The following PRKN variants were observed in gnomAD, a reference collection of about 807,000 sequenced individuals.
PRKN encodes the protein parkin RBR E3 ubiquitin protein ligase.
Under a neutral mutation model 59.5 loss-of-function variants are expected in PRKN, and 56 were observed. The observed-to-expected ratio is 0.94, with a 90% CI of 0.76 to 1.18. The LOEUF (loss-of-function observed/expected upper bound fraction) is 1.18. Ranked by LOEUF, PRKN falls within the 50% of genes most tolerant of loss-of-function variation. The probability of loss-of-function intolerance (pLI) is 0.00; values close to 1 mark genes in which losing one functional copy is unlikely to be tolerated. For missense variants in PRKN, 657 were observed against 596.4 expected, an observed-to-expected ratio of 1.10 and a Z score of -1.06; for synonymous variants, 250 against 222.1, an observed-to-expected ratio of 1.13 and a Z score of -1.12.
chr6:161,417,343 G>T lies in PRKN; in HGVS notation c.1084-30466C>A, dbSNP rs377092511. Among the ~76,000 whole-genome samples the T allele has an allele frequency of 6.6e-6, 1 of 151,836 alleles. No individual in the cohort carries two copies. Among genetic ancestry groups the T allele is most frequent in the Admixed American group, 6.6e-5 (1 of 15,236 alleles). On this transcript the variant is annotated intron_variant, in intron 9 of 11. Coordinates refer to ENST00000366898, the MANE Select transcript of PRKN (RefSeq NM_004562.3). The surrounding 1 kb of genome is among the most constrained non-coding windows in gnomAD (Gnocchi z 5.4). ...CGCCTGCCTGTAGTCGCAGCTACTC[G>T]GGAGGCTAAGGCAGCAGAATCACTT...
chr6:162,285,891 C>T (rs1484689461), intron 2 of PRKN, among the ~76,000 whole-genome samples: 1 of 152,100 alleles, frequency 6.6e-6, no homozygotes. Context: ...AAATACACGA[C>T]AAAATGGTTG....
In PRKN at chr6:161,554,712, T is replaced by TTGTG. The variant is rs35458503; in HGVS notation, c.934-5713_934-5710dup. Among the ~76,000 whole-genome samples the TTGTG allele has an allele frequency of 9.9e-4, 137 of 138,912 alleles. No individual in the cohort carries two copies. The highest frequency in any genetic ancestry group is 1.7e-3 in the African/African-American group (65 of 37,446). 91.1% of individuals were successfully genotyped at this position (138,912 alleles called of 152,430 possible). A position where few individuals can be genotyped will look rare whatever the true frequency, so the allele number is the denominator to read the frequency against. On this transcript the variant is annotated intron_variant, in intron 8 of 11. Coordinates refer to ENST00000366898, the MANE Select transcript of PRKN (RefSeq NM_004562.3). This position sits in a 1 kb window ranked among gnomAD's most constrained non-coding sequence, Gnocchi z 4.5. ...TACAATCCTGATATACATACAGGGA[T>TTGTG]TGTGTGTGTGTGTGTGTGTGTGTAT...
chr6:161,445,314 G>A lies in PRKN; in HGVS notation c.1084-58437C>T, dbSNP rs911376314. Among the ~76,000 whole-genome samples, 1 of 152,150 alleles carries A rather than the reference G, an allele frequency of 6.6e-6. No individual in the cohort carries two copies. The highest frequency in any genetic ancestry group is 6.5e-5 in the Admixed American group (1 of 15,278). ...TGCTGGTGCTCGGCACTGACCCAGGGGAGGAGGGCCACTTGGGCTGGAATG... is the reference window on the plus strand; with the variant it reads ...TGCTGGTGCTCGGCACTGACCCAGGAGAGGAGGGCCACTTGGGCTGGAATG... On this transcript the variant is annotated intron_variant, in intron 9 of 11. Transcript: ENST00000366898. This position sits in a 1 kb window ranked among gnomAD's most constrained non-coding sequence, Gnocchi z 7.7.
intron 1 of PRKN, among the ~76,000 whole-genome samples, chr6:162,591,946 AG>A (rs1186192064): frequency 6.6e-6 from 1 of 150,864 alleles, no homozygotes; most frequent in Non-Finnish European, 1.5e-5. Context: ...AATAGCAGTT[AG>A]TATACAGCTT....
chr6:161,687,603 C>T (rs1161632199), intron 7 of PRKN, among the ~76,000 whole-genome samples: 2 of 149,270 alleles, frequency 1.3e-5, no homozygotes, highest in African/African-American at 2.5e-5. Flanking sequence ...ACTGCAGGCG[C>T]GAACCACCAC....
intron 8 of PRKN, among the ~76,000 whole-genome samples, chr6:161,565,924 G>A (rs553204689): frequency 5.3e-5 from 8 of 152,170 alleles, no homozygotes; most frequent in Admixed American, 2.6e-4. Flanking sequence ...GTTACCAGGC[G>A]GAACTGGCCA....
At chr6:162,146,200 A>G (rs1782019001) in intron 4 of PRKN, among the ~76,000 whole-genome samples, 1 of 152,124 alleles carries the variant, frequency 6.6e-6, no homozygotes, top group Admixed American at 6.5e-5. Context: ...TCCAGCAAAC[A>G]TATGCTAAAG....
At chr6:161,838,956 A>G (rs1453470144) in intron 6 of PRKN, among the ~76,000 whole-genome samples, 1 of 152,142 alleles carries the variant, frequency 6.6e-6, no homozygotes, top group Admixed American at 6.5e-5. Context: ...CACAAGCCCC[A>G]CCCAGGAGCC....
At chr6:162,369,415 A>G (rs1785627022) in intron 2 of PRKN, among the ~76,000 whole-genome samples, 1 of 152,128 alleles carries the variant, frequency 6.6e-6, no homozygotes, top group Admixed American at 6.5e-5. Context: ...AGTGCCATAA[A>G]TCTACCCTTG....
chr6:161,840,538 T>C (rs1453062275), intron 6 of PRKN, among the ~76,000 whole-genome samples: 1 of 152,170 alleles, frequency 6.6e-6, no homozygotes, highest in Non-Finnish European at 1.5e-5. Flanking sequence ...TACAGATGAT[T>C]TCATCACCAG....
At chr6:162,011,645 C>T (rs1782723580) in intron 5 of PRKN, among the ~76,000 whole-genome samples, 1 of 147,190 alleles carries the variant, frequency 6.8e-6, no homozygotes, top group Non-Finnish European at 1.5e-5. Flanking sequence ...TTTATTGTTA[C>T]AGCAAAAACC....
intron 1 of PRKN, chr6:162,568,815 C>A (rs531785720): frequency 2.5e-4 from 186 of 731,130 alleles, no homozygotes; most frequent in African/African-American, 9.1e-4. Context: ...TGGCAACATG[C>A]AGGGGCTGGT....
At chr6:162,033,547 GATC>G (rs773542170) in intron 5 of PRKN, among the ~76,000 whole-genome samples, 1 of 152,018 alleles carries the variant, frequency 6.6e-6, no homozygotes, top group Non-Finnish European at 1.5e-5. Flanking sequence ...GAATTTTAAA[GATC>G]ATCTAGCCCC....
At chr6:162,202,864 GAAGAAGAAGTGCT>G (rs1784788360) in intron 3 of PRKN, among the ~76,000 whole-genome samples, 2 of 152,124 alleles carry the variant, frequency 1.3e-5, no homozygotes, top group Admixed American at 1.3e-4. Flanking sequence ...GAAGTGCATA[GAAGAAGAAGTGCT>G]TAGAAGAAGA....
intron 4 of PRKN, among the ~76,000 whole-genome samples, chr6:162,060,636 AATATT>A: frequency 1.3e-5 from 2 of 152,344 alleles, no homozygotes; most frequent in East Asian, 3.9e-4. Flanking sequence ...TTCATATCCA[AATATT>A]ATTCAGACAC....
chr6:162,216,487 G>A (rs868060321), intron 3 of PRKN, among the ~76,000 whole-genome samples: 13 of 128,482 alleles, frequency 1.0e-4, no homozygotes, highest in Admixed American at 2.0e-4. Context: ...CCGAGATTGC[G>A]CCACTGCAGT....
At chr6:162,585,953 C>T (rs146110294) in intron 1 of PRKN, among the ~76,000 whole-genome samples, 3,016 of 152,260 alleles carry the variant, frequency 0.02, 111 homozygotes, top group African/African-American at 0.07. Context: ...GATCCACCCG[C>T]CTCGGCCTCC....
intron 1 of PRKN, among the ~76,000 whole-genome samples, chr6:162,698,434 T>C (rs1341122571): frequency 1.3e-5 from 2 of 152,148 alleles, no homozygotes; most frequent in Admixed American, 1.3e-4. Context: ...CCTTTTACCC[T>C]TTTCTTCCTC....
In PRKN at chr6:161,689,716, T is replaced by A. The variant is rs189033748; in HGVS notation, c.871+96056A>T. On this transcript the variant is annotated intron_variant, in intron 7 of 11. Coordinates refer to ENST00000366898, the MANE Select transcript of PRKN (RefSeq NM_004562.3). ...GTGAAAGTCATTCTATAAAGAAAAA[T>A]TTTTTTTTTTGAGACAAGAGTTTTG... Among the ~76,000 whole-genome samples, 866 of 149,396 alleles carry A rather than the reference T, an allele frequency of 5.8e-3. 11 individuals are homozygous for A. The highest frequency in any genetic ancestry group is 0.019 in the African/African-American group (772 of 40,998).
Sources: gnomAD v4.1 joint callset for allele counts (sites outside exome capture counted in the v4.1 genomes callset) on GRCh38, gnomAD v4.1.1 for gene constraint, Gnocchi (gnomAD v3.1) non-coding constraint, MANE v1.5 for transcripts, NCBI Gene and HGNC (gene_info 2026-07-23, HGNC 2026-07-21) for gene names.